INTS6: variants seen among roughly 807,000 people sequenced by gnomAD.
INTS6 encodes the protein DEAD box protein.
In INTS6, 16 loss-of-function variants were observed where a neutral mutation model predicts 104.9. The ratio of observed to expected loss-of-function variants is 0.15; its 90% CI spans 0.10 to 0.23. INTS6 has a LOEUF of 0.23. Among genes scored for constraint, INTS6 ranks in the 10% least tolerant of loss-of-function variants. The pLI is 1.00. For missense variants in INTS6, 584 were observed against 1,062.8 expected (o/e 0.55, Z 6.26); for synonymous variants, 324 against 358.7 (o/e 0.90, Z 1.09).
intron 12 of INTS6, among the ~76,000 whole-genome samples, chr13:51,376,604 A>G (rs540026662): frequency 4.6e-5 from 7 of 152,240 alleles, no homozygotes; most frequent in Admixed American, 2.6e-4. Flanking sequence ...CATTTCCACC[A>G]TCCCCAAGTT....
At chr13:51,388,297 G>A (rs983143260) in intron 6 of INTS6, among the ~76,000 whole-genome samples, 2 of 151,470 alleles carry the variant, frequency 1.3e-5, no homozygotes, top group Non-Finnish European at 2.9e-5. Flanking sequence ...TCTTCTCCCA[G>A]GTACCTACTT....
intron 3 of INTS6, chr13:51,450,132 T>C: frequency 1.0e-6 from 1 of 985,158 alleles, no homozygotes; most frequent in Non-Finnish European, 1.2e-6. Context: ...AAATACAACA[T>C]ATACCCAATA....
intron 3 of INTS6, among the ~76,000 whole-genome samples, chr13:51,432,716 A>C (rs1957116208): frequency 6.6e-6 from 1 of 152,228 alleles, no homozygotes; most frequent in African/African-American, 2.4e-5. Flanking sequence ...TGTACTCCCC[A>C]AATTCAACGC....
chr13:51,370,635 A>G (rs1955784552), intron 15 of INTS6, among the ~76,000 whole-genome samples: 1 of 152,126 alleles, frequency 6.6e-6, no homozygotes, highest in Non-Finnish European at 1.5e-5. Flanking sequence ...ATACAGTCCA[A>G]TGGTGGTGGG....
intron 4 of INTS6, among the ~76,000 whole-genome samples, chr13:51,414,841 C>CAT (rs1357472587): frequency 6.8e-6 from 1 of 146,074 alleles, no homozygotes; most frequent in African/African-American, 2.5e-5. Flanking sequence ...TATACACACA[C>CAT]ACACACACAC....
chr13:51,367,266 C>T (rs571601217), intron 17 of INTS6, among the ~76,000 whole-genome samples: 1 of 151,890 alleles, frequency 6.6e-6, no homozygotes, highest in East Asian at 1.9e-4. Context: ...ACAGATACAA[C>T]CATCCATTTC....
At chr13:51,389,100 TCAGG>T (rs1398319946) in intron 6 of INTS6, among the ~76,000 whole-genome samples, 1 of 152,218 alleles carries the variant, frequency 6.6e-6, no homozygotes, top group Non-Finnish European at 1.5e-5. Flanking sequence ...CATCAAAATG[TCAGG>T]CAATAGACAA....
At position 51,415,459 on chromosome 13, in the gene INTS6, G is replaced by C. The variant is rs537204869; in HGVS notation, c.429+14835C>G. ...TGGGAGGTAATTAAATCATGGGGAT[G>C]GGTCTCTGCCATGCTGTTCTCATGA... On this transcript the variant is annotated intron_variant, in intron 4 of 17. Coordinates refer to ENST00000311234, the MANE Select transcript of INTS6 (RefSeq NM_012141.3). 2.2e-4 allele frequency among the ~76,000 whole-genome samples: 34 copies of C among 152,266 alleles called. 1 individual carries two copies. In the South Asian group the frequency reaches 3.5e-3, roughly 16 times the overall value.
At chr13:51,366,046 TA>T (rs1421951750) in intron 17 of INTS6, among the ~76,000 whole-genome samples, 1 of 151,826 alleles carries the variant, frequency 6.6e-6, no homozygotes, top group Non-Finnish European at 1.5e-5. Context: ...AGTTTGTCCC[TA>T]AAACACTCTA....
intron 3 of INTS6, among the ~76,000 whole-genome samples, chr13:51,433,889 TATCTC>T (rs1443384102): frequency 6.6e-6 from 1 of 152,226 alleles, no homozygotes; most frequent in Non-Finnish European, 1.5e-5. Flanking sequence ...ATAAAGCACT[TATCTC>T]ATTTGACCCT....
downstream of INTS6, chr13:51,361,552 C>T (rs955772510): frequency 6.8e-6 from 4 of 584,752 alleles, no homozygotes; most frequent in Non-Finnish European, 1.2e-5. Flanking sequence ...AAGAGATATC[C>T]ATCCCATAAA....
intron 9 of INTS6, 113 bp downstream of exon 9, chr13:51,383,216 A>T: frequency 1.2e-6 from 1 of 863,336 alleles, no homozygotes; most frequent in Non-Finnish European, 1.7e-6. Context: ...AACATTTTAG[A>T]ATATTCAAAA....
downstream of INTS6, among the ~76,000 whole-genome samples, chr13:51,349,142 T>C (rs1593639847): frequency 6.6e-6 from 1 of 152,234 alleles, no homozygotes; most frequent in Non-Finnish European, 1.5e-5. Flanking sequence ...TAACCATTTT[T>C]TGACCAGCAT....
chr13:51,375,582 A>G (rs1047291762), intron 13 of INTS6, among the ~76,000 whole-genome samples: 1 of 152,152 alleles, frequency 6.6e-6, no homozygotes, highest in Admixed American at 6.5e-5. Context: ...CTTGATTTAT[A>G]GTAGGTGCCA....
chr13:51,387,632 T>TA (rs990958326), intron 6 of INTS6, 92 bp from the exon 7 acceptor site: 24 of 982,830 alleles, frequency 2.4e-5, no homozygotes, highest in East Asian at 2.9e-5. Context: ...CTTAAATTAA[T>TA]AAAAAATTCC....
intron 4 of INTS6, among the ~76,000 whole-genome samples, chr13:51,404,019 T>C (rs1191606710): frequency 1.4e-5 from 2 of 143,250 alleles, no homozygotes; most frequent in East Asian, 2.0e-4. Flanking sequence ...GGCCAGGAGT[T>C]AGAGACCAGC....
In INTS6 at chr13:51,383,754, G is replaced by A. The variant is rs1191644596; in HGVS notation, c.895-13C>T. 3.2e-6 allele frequency: 5 copies of A among 1,576,846 alleles called. No individual in the cohort carries two copies. Among genetic ancestry groups the A allele is most frequent in the African/African-American group, 1.4e-5 (1 of 73,608 alleles). ...ATGTACGAGGTGGCTAAAGGGGAAA[G>A]TCTTGTAATTACTACTTACATGAAA... is the stretch of plus-strand genomic sequence containing the variant. On this transcript the variant is annotated splice_polypyrimidine_tract_variant and intron_variant, in intron 7 of 17. Transcript: ENST00000311234.
chr13:51,389,443 G>A lies in INTS6; in HGVS notation c.615C>T (p.Gly205=). ...AITPMCEVTG[G]RSYSVCSPRM... ...TTGGAGAACACACAGAATATGAACG[G>A]CCTGAGATTAAAAAAAAGAAGAAGA... is the stretch of plus-strand genomic sequence containing the variant. Residue 205 remains glycine, a splice_region_variant and synonymous_variant, in exon 6 of 18, where the codon GGC becomes GGT. Transcript: ENST00000311234. 1.3e-6 allele frequency: 2 copies of A among 1,588,784 alleles called. No individual in the cohort carries two copies. The highest frequency in any genetic ancestry group is 1.2e-5 in the South Asian group (1 of 85,776).
intron 13 of INTS6, 110 bp from the exon 14 acceptor site, chr13:51,374,906 C>T: frequency 9.2e-7 from 1 of 1,082,358 alleles, no homozygotes; most frequent in Non-Finnish European, 1.3e-6. Flanking sequence ...TCTTCTTTAC[C>T]AACATATTCT....
Sources: allele counts gnomAD v4.1 joint callset (sites outside exome capture counted in the v4.1 genomes callset), GRCh38; gene constraint gnomAD v4.1.1; transcripts MANE v1.5; gene names NCBI Gene and HGNC (gene_info 2026-07-23, HGNC 2026-07-21).